Variants in TEP1 observed in about 807,000 individuals in gnomAD.
TEP1 encodes telomerase associated protein 1.
Under a neutral mutation model 306.3 loss-of-function variants are expected in TEP1, and 241 were observed. The ratio of observed to expected loss-of-function variants is 0.79; its 90% CI spans 0.71 to 0.88. The LOEUF (loss-of-function observed/expected upper bound fraction) is 0.88. Ranked by LOEUF, TEP1 falls within the 40% of genes least tolerant of loss-of-function variation. TEP1 has a pLI of 0.00. For synonymous variants in TEP1, 1,289 were observed against 1,305.5 expected, an observed-to-expected ratio of 0.99 and a Z score of 0.27; for missense variants, 3,051 against 3,276.1, an observed-to-expected ratio of 0.93 and a Z score of 1.68.
intron 9 of TEP1, among the ~76,000 whole-genome samples, chr14:20,399,539 A>T (rs1760900): frequency 6.9e-6 from 1 of 145,512 alleles, no homozygotes; most frequent in African/African-American, 2.5e-5. Context: ...CCTTTTATTT[A>T]TTTATATTTA....
chr14:20,387,725 A>G (rs1049776715), intron 18 of TEP1, among the ~76,000 whole-genome samples, 180 bp downstream of exon 18: 3 of 152,216 alleles, frequency 2.0e-5, no homozygotes, highest in Non-Finnish European at 4.4e-5. Context: ...AGAGAAAGGA[A>G]GGGCTTGCTC....
Position 20,408,150 on chromosome 14 carries a change from T to A in TEP1, c.290A>T (p.His97Leu), listed in dbSNP as rs754457404. Residue 97 changes from histidine to leucine, a missense_variant, in exon 2 of 55, where the codon CAT (histidine) becomes CTT (leucine). Transcript: ENST00000262715. ...GAGGATGTCTGGGTGGGCAGAAACA[T>A]GTCCATGTGGTTTCTCCATGGTCTT... is the stretch of plus-strand genomic sequence containing the variant. Reference protein sequence around the residue: ...DLKTMEKPHGHVSAHPDILSL... With the variant: ...DLKTMEKPHGLVSAHPDILSL... 24 of 1,610,580 alleles carry A rather than the reference T, an allele frequency of 1.5e-5. No homozygotes were observed. Among genetic ancestry groups the A allele is most frequent in the Middle Eastern group, 3.3e-4 (2 of 6,062 alleles).
Position 20,371,565 on chromosome 14 carries a change from C to A in TEP1, c.7144G>T (p.Gly2382Cys). Reference sequence around the variant, plus strand: ...GCTTTGGCCAAGATGAGAAAGTGACCATCAGGAGCCCAATCCAGACTTGTC... The same window carrying A: ...GCTTTGGCCAAGATGAGAAAGTGACAATCAGGAGCCCAATCCAGACTTGTC... ...VLTSLDWAPD[G>C]HFLILAKADL... The change falls in exon 50 of 55, where the codon GGT (glycine) becomes TGT (cysteine). Residue 2382 changes from glycine (G) to cysteine (C), a missense_variant. Gly to Cys is a radical substitution (Grantham distance 159, BLOSUM62 -3). This residue lies in a region of TEP1 where 1,540 missense variants were observed against 1,705.9 expected (regional missense o/e 0.90). Transcript: ENST00000262715. The A allele has an allele frequency of 6.2e-7, 1 of 1,606,966 alleles. No homozygotes were observed. Among genetic ancestry groups the A allele is most frequent in the Admixed American group, 1.8e-5 (1 of 56,868 alleles).
Position 20,404,682 on chromosome 14 carries a change from G to T in TEP1, c.961C>A (p.His321Asn), listed in dbSNP as rs146306984. The change falls in exon 5 of 55, where the codon CAC becomes AAC. Residue 321 changes from histidine (H) to asparagine (N), a missense_variant. By Grantham distance (68) the His-to-Asn change is moderately conservative (BLOSUM62 1). Coordinates refer to ENST00000262715, the MANE Select transcript of TEP1 (RefSeq NM_007110.5). The stretch of plus-strand genomic sequence containing the variant: ...ATGGCACAGAAATATCGTCGCAGGT[G>T]GGGGCGACACGCCGGCAAGAAAGCA... Reference protein sequence around the residue: ...IAAFLPACRPHLRRYFCAIVQ... With the variant: ...IAAFLPACRPNLRRYFCAIVQ... 1.9e-6 allele frequency: 3 copies of T among 1,614,064 alleles called. No homozygotes were observed. The highest frequency in any genetic ancestry group is 2.2e-5 in the East Asian group (1 of 44,890).
chr14:20,374,402 C>A, intron 44 of TEP1, 27 bp downstream of exon 44: 1 of 1,555,772 alleles, frequency 6.4e-7, no homozygotes. Context: ...CAGAGACCCC[C>A]CAGTGGGATC....
rs144229259 is a variant in TEP1 at position 20,371,224 on chromosome 14, A to G, written c.7311T>C (p.Ser2437=). The change falls in exon 51 of 55, where the codon TCT becomes TCC. Residue 2437 remains serine (S), a synonymous_variant. Coordinates refer to ENST00000262715, the MANE Select transcript of TEP1 (RefSeq NM_007110.5). ...VLQPKDPGVL[S]FLRQKESGEF... is the part of the protein sequence containing the mutation. Reference sequence around the variant, plus strand: ...ACACTCAAATAGGACTTACCAAGAAAGAAAGAACTCCAGGATCCTTGGGCT... The same window carrying G: ...ACACTCAAATAGGACTTACCAAGAAGGAAAGAACTCCAGGATCCTTGGGCT... 6.8e-6 allele frequency: 11 copies of G among 1,613,708 alleles called. No individual in the cohort carries two copies. The highest frequency in any genetic ancestry group is 9.3e-6 in the Non-Finnish European group (11 of 1,179,684).
chr14:20,376,063 G>C (rs1200713936), intron 42 of TEP1, 41 bp downstream of exon 42: 4 of 1,598,346 alleles, frequency 2.5e-6, no homozygotes, highest in Non-Finnish European at 3.4e-6. Context: ...AGGAACTAGA[G>C]AGGCTATGGG....
At chr14:20,380,500 C>A in intron 33 of TEP1, 25 bp from the exon 34 acceptor site, 1 of 1,597,376 alleles carries the variant, frequency 6.3e-7, no homozygotes, top group South Asian at 1.1e-5. Context: ...CAGAATGTCA[C>A]TGGGGAGCCA....
chr14:20,370,980 T>C (rs1884796476), intron 51 of TEP1, among the ~76,000 whole-genome samples: 1 of 152,236 alleles, frequency 6.6e-6, no homozygotes, highest in South Asian at 2.1e-4. Context: ...AGAAAACTTC[T>C]AGGTTTATGG....
chr14:20,393,522 T>A (rs1035627898), intron 12 of TEP1, among the ~76,000 whole-genome samples: 1 of 152,268 alleles, frequency 6.6e-6, no homozygotes, highest in Admixed American at 6.5e-5. Flanking sequence ...ACAGGCATGG[T>A]GGCTTACGCC....
rs569617290 is a variant in TEP1 at position 20,387,682 on chromosome 14, G to A, written c.2684+223C>T. Among the ~76,000 whole-genome samples, 94 of 152,326 alleles carry A rather than the reference G, an allele frequency of 6.2e-4. 1 individual carries two copies. The South Asian group carries it at 0.018, about 29-fold the overall frequency. The stretch of plus-strand genomic sequence containing the variant: ...TGGCCATACGGCCATGATGTCTGCC[G>A]TCATCTTTGCATTCTGACTTCCTTT... On this transcript the variant is annotated intron_variant, in intron 18 of 54. Transcript: ENST00000262715.
In TEP1 at chr14:20,382,824, G is replaced by T. The variant is rs946008405; in HGVS notation, c.4048-109C>A. The T allele has an allele frequency of 1.1e-5, 11 of 957,700 alleles. No individual in the cohort carries two copies. The Admixed American group carries it at 1.6e-4, about 14-fold the overall frequency. The allele number at this position is 957,700 out of a possible 1,614,324, so 59.3% of individuals were successfully genotyped here. On this transcript the variant is annotated intron_variant, in intron 27 of 54. Coordinates refer to ENST00000262715, the MANE Select transcript of TEP1 (RefSeq NM_007110.5). ...GCAGCTCCTCCTCTGAGAGTCCCCA[G>T]CAGACGCCAGGTCCATGGCATCATC...
Position 20,377,714 on chromosome 14 carries a change from GCCCACGGGGCCGA to G in TEP1, c.5748_5760del (p.Arg1917ThrfsTer58). ...GGAGAGAGAGAAAGGGAACCCAGGTGCCCACGGGGCCGACCCAGAGACCCTGACCACACCTGAA... is the reference window on the plus strand; with the variant it reads ...GGAGAGAGAGAAAGGGAACCCAGGTGCCCAGAGACCCTGACCACACCTGAA... On this transcript the variant is annotated frameshift_variant, in exon 40 of 55. Transcript: ENST00000262715. LOFTEE classifies it high-confidence loss of function. 6.2e-7 allele frequency: 1 copy of G among 1,613,990 alleles called. No individual in the cohort carries two copies. Among genetic ancestry groups the G allele is most frequent in the Non-Finnish European group, 8.5e-7 (1 of 1,179,996 alleles).
intron 53 of TEP1, 145 bp from the exon 54 acceptor site, chr14:20,369,047 G>A (rs931049800): frequency 3.1e-5 from 21 of 678,670 alleles, no homozygotes; most frequent in Middle Eastern, 8.0e-4. Context: ...TCGCTCTGTC[G>A]CCCAGGCTGG....
Position 20,381,859 on chromosome 14 carries a change from C to G in TEP1, c.4424+54G>C. On this transcript the variant is annotated intron_variant, in intron 30 of 54. Transcript: ENST00000262715. The surrounding 1 kb of genome is among the most constrained non-coding windows in gnomAD (Gnocchi z 4.0). ...TGAAGCTATACAGAGGGCCCCGGCTCAAAGAAGGGAAGGCACAGAGAGGTC... is the reference window on the plus strand; with the variant it reads ...TGAAGCTATACAGAGGGCCCCGGCTGAAAGAAGGGAAGGCACAGAGAGGTC... 6.3e-7 allele frequency: 1 copy of G among 1,599,174 alleles called. No homozygotes were observed. The highest frequency in any genetic ancestry group is 8.5e-7 in the Non-Finnish European group (1 of 1,173,160).
Position 20,378,823 on chromosome 14 carries a change from TTGGTAC to T in TEP1, c.5277_5282del (p.Tyr1760_Gln1761del). 6.2e-7 allele frequency: 1 copy of T among 1,614,202 alleles called. No homozygotes were observed. Among genetic ancestry groups the T allele is most frequent in the Non-Finnish European group, 8.5e-7 (1 of 1,180,022 alleles). ...CTGGGCTCAGGCAGCAGCCAGTGAT[TTGGTAC>T]TGGTGAGCCTTAGTCTGCAGCACCC... On this transcript the variant is annotated inframe_deletion, in exon 37 of 55. Transcript: ENST00000262715.
chr14:20,372,124 C>A (rs1884874637), intron 49 of TEP1, among the ~76,000 whole-genome samples: 1 of 152,168 alleles, frequency 6.6e-6, no homozygotes. Flanking sequence ...AGCCTGACCC[C>A]AGTTTATCTA....
intron 35 of TEP1, 132 bp downstream of exon 35, chr14:20,379,798 G>T: frequency 1.6e-6 from 2 of 1,252,830 alleles, no homozygotes; most frequent in South Asian, 1.6e-5. Flanking sequence ...CAAGCCCTTT[G>T]AGCTGATGTG....
In TEP1 at chr14:20,405,572, C is replaced by A. The variant is rs1204983000; in HGVS notation, c.749G>T (p.Ser250Ile). 3.1e-6 allele frequency: 5 copies of A among 1,613,886 alleles called. No individual in the cohort carries two copies. The highest frequency in any genetic ancestry group is 3.4e-6 in the Non-Finnish European group (4 of 1,179,926). Reference protein sequence around the residue: ...VLQEKKMALLSLLCSTLVSEV... With the variant: ...VLQEKKMALLILLCSTLVSEV... ...TGAGACCAGAGTAGAGCACAGCAAG[C>A]TCAGTAGAGCCATCTGGGAATTGAG... The change falls in exon 4 of 55, where the codon AGC (serine) becomes ATC (isoleucine). Residue 250 changes from serine to isoleucine, a missense_variant. Coordinates refer to ENST00000262715, the MANE Select transcript of TEP1 (RefSeq NM_007110.5).
Sources: gnomAD v4.1 joint callset for allele counts (sites outside exome capture counted in the v4.1 genomes callset) on GRCh38, gnomAD v4.1.1 for gene constraint, gnomAD v4.1.1 regional missense constraint, Gnocchi (gnomAD v3.1) non-coding constraint, MANE v1.5 for transcripts, NCBI Gene and HGNC (gene_info 2026-07-23, HGNC 2026-07-21) for gene names.